Variants in JAZF1 observed in about 807,000 individuals in gnomAD.
The protein encoded by JAZF1 is juxtaposed with another zinc finger protein 1.
A neutral mutation model predicts 26.4 loss-of-function variants in JAZF1; 8 were observed. The ratio of observed to expected loss-of-function variants is 0.30; its 90% CI spans 0.18 to 0.55. The LOEUF (loss-of-function observed/expected upper bound fraction) is 0.55. Among genes scored for constraint, JAZF1 ranks in the 20% least tolerant of loss-of-function variants. The pLI is 0.94. For missense variants in JAZF1, 199 were observed against 322.0 expected (o/e 0.62, Z 2.92); for synonymous variants, 126 against 122.3 (o/e 1.03, Z -0.20).
chr7:28,116,143 A>G (rs544415685), intron 1 of JAZF1, among the ~76,000 whole-genome samples: 1 of 152,340 alleles, frequency 6.6e-6, no homozygotes, highest in East Asian at 1.9e-4. Context: ...ATGTATTCAG[A>G]TGTATCTGCA....
intron 1 of JAZF1, among the ~76,000 whole-genome samples, chr7:28,023,631 A>G (rs185076019): frequency 1.3e-3 from 193 of 152,280 alleles, no homozygotes; most frequent in African/African-American, 4.4e-3. Flanking sequence ...GTATTCATCC[A>G]CTCATCCATT....
chr7:27,886,497 C>T (rs1783866870), intron 3 of JAZF1, among the ~76,000 whole-genome samples: 1 of 152,208 alleles, frequency 6.6e-6, no homozygotes, highest in African/African-American at 2.4e-5. Flanking sequence ...TATTCCAACT[C>T]CTTTGGAACT....
chr7:27,891,981 TC>T, intron 3 of JAZF1, among the ~76,000 whole-genome samples: 1 of 152,218 alleles, frequency 6.6e-6, no homozygotes, highest in East Asian at 1.9e-4. Flanking sequence ...TAAATGAAGT[TC>T]CTACAAGATG....
At chr7:28,003,986 G>A (rs1238947088) in intron 1 of JAZF1, among the ~76,000 whole-genome samples, 1 of 152,118 alleles carries the variant, frequency 6.6e-6, no homozygotes, top group Non-Finnish European at 1.5e-5. Context: ...AGGCATTGAA[G>A]GTCCTCCTGC....
At chr7:28,120,687 T>C (rs1419147230) in intron 1 of JAZF1, among the ~76,000 whole-genome samples, 2 of 151,840 alleles carry the variant, frequency 1.3e-5, no homozygotes, top group African/African-American at 4.8e-5. Flanking sequence ...TCTCAAGCTG[T>C]CTGATGAATT....
Position 27,943,955 on chromosome 7 carries a change from T to TGTGTCA in JAZF1, c.188+47953_188+47954insTGACAC, listed in dbSNP as rs1784888393. On this transcript the variant is annotated intron_variant, in intron 2 of 4. Coordinates refer to ENST00000283928, the MANE Select transcript of JAZF1 (RefSeq NM_175061.4). ...CTCCTGATTTTCATACTTTCTTTGATTCCTATGACACAAAGCAATGTTGAT... is the reference window on the plus strand; with the variant it reads ...CTCCTGATTTTCATACTTTCTTTGATGTGTCATCCTATGACACAAAGCAATGTTGAT... Among the ~76,000 whole-genome samples, 6 of 152,338 alleles carry TGTGTCA rather than the reference T, an allele frequency of 3.9e-5. No individual in the cohort carries two copies. In the South Asian group the frequency reaches 1.2e-3, roughly 32 times the overall value.
chr7:28,040,157 T>C (rs1017520636), intron 1 of JAZF1, among the ~76,000 whole-genome samples: 3 of 152,208 alleles, frequency 2.0e-5, no homozygotes, highest in African/African-American at 7.2e-5. Context: ...AAAAATGAAT[T>C]AAACTGTCAG....
intron 1 of JAZF1, among the ~76,000 whole-genome samples, chr7:28,152,904 T>C (rs975720217): frequency 6.6e-6 from 1 of 152,220 alleles, no homozygotes; most frequent in Non-Finnish European, 1.5e-5. Flanking sequence ...ACATTTGAAT[T>C]TTACAACTTT....
At chr7:28,111,801 A>G (rs993329164) in intron 1 of JAZF1, among the ~76,000 whole-genome samples, 1 of 152,182 alleles carries the variant, frequency 6.6e-6, no homozygotes, top group African/African-American at 2.4e-5. Flanking sequence ...ATGCATGTGC[A>G]TGTGTGTATG....
intron 2 of JAZF1, among the ~76,000 whole-genome samples, chr7:27,929,334 G>A (rs942760352): frequency 5.3e-5 from 8 of 152,200 alleles, no homozygotes; most frequent in African/African-American, 1.4e-4. Context: ...GAGCAGAAGT[G>A]GCGGCCACCC....
chr7:27,842,387 T>C (rs1782939103), intron 3 of JAZF1: 1 of 152,200 alleles, frequency 6.6e-6, no homozygotes, highest in African/African-American at 2.4e-5. Context: ...AGTGCCAGGC[T>C]CTTCTGAGGG....
At chr7:28,101,332 G>T (rs78823938) in intron 1 of JAZF1, among the ~76,000 whole-genome samples, 2 of 151,924 alleles carry the variant, frequency 1.3e-5, no homozygotes, top group South Asian at 2.1e-4. Flanking sequence ...GTTATACAAC[G>T]TGTTATATAT....
intron 3 of JAZF1, among the ~76,000 whole-genome samples, chr7:27,878,373 A>AACAC (rs10645898): frequency 0.17 from 26,265 of 151,606 alleles, 2,982 homozygotes; most frequent in East Asian, 0.47. Context: ...GAAAACATCT[A>AACAC]ACACACACAC....
chr7:28,032,902 C>T (rs1453562757), intron 1 of JAZF1, among the ~76,000 whole-genome samples: 1 of 152,078 alleles, frequency 6.6e-6, no homozygotes, highest in Non-Finnish European at 1.5e-5. Flanking sequence ...CCTCTTGGTC[C>T]TCCCACTGCA....
At chr7:27,961,523 C>T (rs1785184700) in intron 2 of JAZF1, among the ~76,000 whole-genome samples, 1 of 152,134 alleles carries the variant, frequency 6.6e-6, no homozygotes, top group South Asian at 2.1e-4. Flanking sequence ...TTTGTCACCA[C>T]ACATATGCCC....
intron 1 of JAZF1, among the ~76,000 whole-genome samples, chr7:28,156,740 T>C (rs1196707650): frequency 3.9e-5 from 6 of 152,188 alleles, no homozygotes; most frequent in African/African-American, 1.4e-4. Flanking sequence ...AAAATACTGC[T>C]GCTGCTTGTC....
At chr7:28,094,217 G>A (rs1031479134) in intron 1 of JAZF1, among the ~76,000 whole-genome samples, 3 of 152,062 alleles carry the variant, frequency 2.0e-5, no homozygotes, top group Admixed American at 1.3e-4. Context: ...TTTCTTTTTC[G>A]GATCAAGAGA....
intron 2 of JAZF1, among the ~76,000 whole-genome samples, chr7:27,910,809 C>T (rs1784348081): frequency 6.6e-6 from 1 of 152,126 alleles, no homozygotes; most frequent in African/African-American, 2.4e-5. Context: ...TTTTTGGTGA[C>T]CAGGGAGCCT....
At chr7:28,068,667 C>T (rs1372216078) in intron 1 of JAZF1, among the ~76,000 whole-genome samples, 2 of 151,928 alleles carry the variant, frequency 1.3e-5, no homozygotes, top group Admixed American at 6.6e-5. Flanking sequence ...ATACAAGCAA[C>T]ATAGAACAGA....
Sources: gnomAD v4.1 joint callset for allele counts (sites outside exome capture counted in the v4.1 genomes callset) on GRCh38, gnomAD v4.1.1 for gene constraint, MANE v1.5 for transcripts, NCBI Gene and HGNC (gene_info 2026-07-23, HGNC 2026-07-21) for gene names.